The following EIF2AK4 variants were observed in gnomAD, a reference collection of about 807,000 sequenced individuals.
EIF2AK4 encodes the protein eukaryotic translation initiation factor 2 alpha kinase 4.
EIF2AK4 carries 139 observed loss-of-function variants against 211.1 expected under a neutral mutation model. That is an observed-to-expected ratio of 0.66 (90% CI 0.57 to 0.76). EIF2AK4 has a LOEUF of 0.76. EIF2AK4 is among the 30% of genes least tolerant of loss of function. The pLI, the probability that EIF2AK4 is intolerant of heterozygous loss-of-function variation, is 0.00. For synonymous variants in EIF2AK4, 710 were observed against 751.3 expected, an observed-to-expected ratio of 0.94 and a Z score of 0.90; for missense variants, 1,664 against 2,043.8, an observed-to-expected ratio of 0.81 and a Z score of 3.58.
At chr15:40,023,741 TCA>T (rs1037899486) in intron 32 of EIF2AK4, among the ~76,000 whole-genome samples, 4 of 152,232 alleles carry the variant, frequency 2.6e-5, no homozygotes, top group Admixed American at 6.5e-5. Flanking sequence ...TTGATTTTTC[TCA>T]GTTTTTATTT....
At chr15:40,032,303 G>C (rs2035554652) in intron 36 of EIF2AK4, 66 bp downstream of exon 36, 1 of 1,439,928 alleles carries the variant, frequency 6.9e-7, no homozygotes. Context: ...GTTGCCTCAG[G>C]GTTCAGAGCT....
chr15:39,951,650 C>T (rs2034317776), intron 4 of EIF2AK4: 5 of 225,350 alleles, frequency 2.2e-5, no homozygotes, highest in Non-Finnish European at 4.7e-5. Context: ...CAGTACCAGG[C>T]CTGAAATGAT....
chr15:40,011,595 TGATCAGCA>T (rs1330168007), intron 27 of EIF2AK4, among the ~76,000 whole-genome samples: 1 of 152,216 alleles, frequency 6.6e-6, no homozygotes, highest in Admixed American at 6.5e-5. Context: ...TGCTCTTTCT[TGATCAGCA>T]GATACTTTTC....
chr15:39,979,173 G>A (rs1394584513), intron 13 of EIF2AK4, among the ~76,000 whole-genome samples: 1 of 152,188 alleles, frequency 6.6e-6, no homozygotes, highest in African/African-American at 2.4e-5. Context: ...CAAGGTGACT[G>A]TGTAAAGCAA....
rs774895414 is a variant in EIF2AK4, at chr15:39,976,594, A to G, written c.1999A>G (p.Thr667Ala). ...ERHERPAGPG[T>A]PPPDSGPLAK... Reference sequence around the variant, plus strand: ...GCACGAGCGGCCGGCGGGACCGGGGACGCCGCCCCCGGACTCCGGGCCCCT... The same window carrying G: ...GCACGAGCGGCCGGCGGGACCGGGGGCGCCGCCCCCGGACTCCGGGCCCCT... Residue 667 changes from threonine (T) to alanine (A), a missense_variant, in exon 12 of 39, where the codon ACG (threonine) becomes GCG (alanine). Physicochemically the swap from Thr to Ala is moderately conservative, Grantham distance 58. Transcript: ENST00000263791. 6 of 1,609,640 alleles carry G rather than the reference A, an allele frequency of 3.7e-6. No individual in the cohort carries two copies. The African/African-American group carries it at 5.3e-5, about 14-fold the overall frequency.
chr15:40,024,238 G>C (rs532555429), intron 32 of EIF2AK4, among the ~76,000 whole-genome samples: 2 of 151,414 alleles, frequency 1.3e-5, no homozygotes, highest in African/African-American at 4.9e-5. Context: ...TAAGAGATGG[G>C]GGTCTCATCA....
chr15:40,008,212 T>C lies in EIF2AK4; in HGVS notation c.3576+17T>C. On this transcript the variant is annotated intron_variant, in intron 25 of 38. Coordinates refer to ENST00000263791, the MANE Select transcript of EIF2AK4 (RefSeq NM_001013703.4). ...GCACTTCAGGTTCCTTTCCATATTT[T>C]AACATTCCAAGATTCCCCACTATAT... 1.3e-6 allele frequency: 2 copies of C among 1,576,706 alleles called. No homozygotes were observed. The highest frequency in any genetic ancestry group is 8.6e-7 in the Non-Finnish European group (1 of 1,163,518).
chr15:40,034,546 G>A, intron 38 of EIF2AK4, 102 bp downstream of exon 38: 3 of 857,064 alleles, frequency 3.5e-6, no homozygotes, highest in Non-Finnish European at 5.7e-6. Context: ...TTTGACGCCT[G>A]GTAAGCTGTT....
intron 2 of EIF2AK4, among the ~76,000 whole-genome samples, chr15:39,942,808 T>A (rs1206869568): frequency 6.6e-6 from 1 of 152,124 alleles, no homozygotes; most frequent in Non-Finnish European, 1.5e-5. Context: ...GATGCAGCAG[T>A]GTGTTGTGGG....
intron 31 of EIF2AK4, chr15:40,022,223 G>GTTGTGTTGTA (rs1314986642): frequency 1.9e-5 from 3 of 159,936 alleles, no homozygotes; most frequent in Non-Finnish European, 3.6e-5. Context: ...TGTATGTTGT[G>GTTGTGTTGTA]TTGTATAATT....
At chr15:39,978,707 C>T (rs2034735695) in intron 13 of EIF2AK4, among the ~76,000 whole-genome samples, 1 of 152,138 alleles carries the variant, frequency 6.6e-6, no homozygotes, top group African/African-American at 2.4e-5. Flanking sequence ...AGCTGATAAG[C>T]TAAACAAACA....
At chr15:39,984,474 C>G (rs917632225) in intron 13 of EIF2AK4, among the ~76,000 whole-genome samples, 6 of 152,138 alleles carry the variant, frequency 3.9e-5, no homozygotes, top group African/African-American at 1.4e-4. Context: ...TTGTTTCTTC[C>G]TATCCATGAG....
rs764693714 is a variant in EIF2AK4, at chr15:40,001,164, G to A, written c.3099G>A (p.Gln1033=). 3 of 1,613,984 alleles carry A rather than the reference G, an allele frequency of 1.9e-6. No homozygotes were observed. The highest frequency in any genetic ancestry group is 2.5e-6 in the Non-Finnish European group (3 of 1,180,024). ...DGKAYRTMMA[Q]IFSQRISPAI... Reference sequence around the variant, plus strand: ...AGGCCTACCGCACCATGATGGCCCAGATCTTCTCGCAGCGCATCTCCCCTG... The same window carrying A: ...AGGCCTACCGCACCATGATGGCCCAAATCTTCTCGCAGCGCATCTCCCCTG... The change falls in exon 21 of 39, where the codon CAG becomes CAA. Residue 1033 remains glutamine, a synonymous_variant. Coordinates refer to ENST00000263791, the MANE Select transcript of EIF2AK4 (RefSeq NM_001013703.4).
At chr15:39,989,901 C>T (rs181667329) in intron 15 of EIF2AK4, among the ~76,000 whole-genome samples, 30 of 152,080 alleles carry the variant, frequency 2.0e-4, no homozygotes, top group African/African-American at 5.8e-4. Flanking sequence ...GAGTATCCTA[C>T]GAAGGGGAGA....
At chr15:39,985,620 A>G (rs2034853932) in intron 13 of EIF2AK4, among the ~76,000 whole-genome samples, 185 bp from the exon 14 acceptor site, 1 of 152,236 alleles carries the variant, frequency 6.6e-6, no homozygotes, top group Non-Finnish European at 1.5e-5. Flanking sequence ...AACCCAAAAA[A>G]GACCAGGATT....
chr15:39,958,173 T>A (rs2034417948), intron 6 of EIF2AK4, among the ~76,000 whole-genome samples: 1 of 152,220 alleles, frequency 6.6e-6, no homozygotes, highest in African/African-American at 2.4e-5. Context: ...ACCCACTGCC[T>A]TGTTTCTGGG....
chr15:39,935,553 G>C (rs569559941), intron 1 of EIF2AK4, among the ~76,000 whole-genome samples: 1 of 152,124 alleles, frequency 6.6e-6, no homozygotes, highest in African/African-American at 2.4e-5. Context: ...CTGGTATCAA[G>C]TTCCTGAGCT....
intron 32 of EIF2AK4, among the ~76,000 whole-genome samples, chr15:40,024,017 C>T (rs900221414): frequency 2.0e-5 from 3 of 152,160 alleles, no homozygotes; most frequent in African/African-American, 4.8e-5. Flanking sequence ...GCCCTCAAAG[C>T]TTAAAACATT....
At chr15:39,975,569 G>A (rs571742881) in intron 11 of EIF2AK4, 1 of 152,222 alleles carries the variant, frequency 6.6e-6, no homozygotes, top group South Asian at 2.1e-4. Context: ...ATAAGACTCT[G>A]TAAAAGTTAC....
Sources: gnomAD v4.1 joint callset for allele counts (sites outside exome capture counted in the v4.1 genomes callset) on GRCh38, gnomAD v4.1.1 for gene constraint, MANE v1.5 for transcripts, NCBI Gene and HGNC (gene_info 2026-07-23, HGNC 2026-07-21) for gene names.